NYAP2: variants seen among roughly 807,000 people sequenced by gnomAD.
NYAP2 encodes the protein neuronal tyrosine-phosphorylated phosphoinositide-3-kinase adaptor 2, also known as neuronal tyrosine-phosphorylated phosphoinositide-3-kinase adapter 2.
NYAP2 carries 23 observed loss-of-function variants against 50.4 expected under a neutral mutation model. The observed-to-expected ratio is 0.46, with a 90% confidence interval of 0.33 to 0.65. The LOEUF (loss-of-function observed/expected upper bound fraction) is 0.65, where lower values mean the gene tolerates loss of function less well. Ranked by LOEUF, NYAP2 falls within the 30% of genes least tolerant of loss-of-function variation. The probability of loss-of-function intolerance (pLI) is 0.02; values close to 1 mark genes in which losing one functional copy is unlikely to be tolerated. For missense variants in NYAP2, 885 were observed against 861.0 expected (o/e 1.03, Z -0.35); for synonymous variants, 394 against 365.2 (o/e 1.08, Z -0.90).
chr2:225,605,130 T>C (rs1470283218), intron 5 of NYAP2, among the ~76,000 whole-genome samples: 1 of 152,144 alleles, frequency 6.6e-6, no homozygotes, highest in Non-Finnish European at 1.5e-5. Flanking sequence ...ATGGAAACGA[T>C]ATTTTTCTCC....
chr2:225,638,040 A>G (rs1415089488), intron 6 of NYAP2, among the ~76,000 whole-genome samples: 1 of 152,176 alleles, frequency 6.6e-6, no homozygotes, highest in Non-Finnish European at 1.5e-5. Flanking sequence ...AAGTGGTTAG[A>G]GGCTGAGAGA....
At chr2:225,531,384 T>C (rs145794567) in intron 4 of NYAP2, among the ~76,000 whole-genome samples, 2 of 152,234 alleles carry the variant, frequency 1.3e-5, no homozygotes, top group Non-Finnish European at 2.9e-5. Flanking sequence ...ATAACTTATG[T>C]AGGCATTTTT....
intron 6 of NYAP2, among the ~76,000 whole-genome samples, chr2:225,639,663 A>G (rs1213858261): frequency 1.3e-5 from 2 of 152,168 alleles, no homozygotes; most frequent in Non-Finnish European, 2.9e-5. Flanking sequence ...TTATTCATTT[A>G]TTCACATTCG....
At chr2:225,606,055 A>G (rs984644543) in intron 5 of NYAP2, among the ~76,000 whole-genome samples, 3 of 152,198 alleles carry the variant, frequency 2.0e-5, no homozygotes, top group Non-Finnish European at 2.9e-5. Flanking sequence ...AGGAACATCT[A>G]ATATAGAATT....
chr2:225,563,716 C>T lies in NYAP2; in HGVS notation c.524-18225C>T, dbSNP rs546760010. Among the ~76,000 whole-genome samples the T allele has an allele frequency of 2.6e-5, 4 of 152,178 alleles. No individual in the cohort carries two copies. In the South Asian group the frequency reaches 8.3e-4, roughly 32 times the overall value. ...ATACATGCATATATGCATGCATACACATGTGTTTGTGTATCCATATTCAAA... is the reference window on the plus strand; with the variant it reads ...ATACATGCATATATGCATGCATACATATGTGTTTGTGTATCCATATTCAAA... On this transcript the variant is annotated intron_variant, in intron 4 of 6. Coordinates refer to ENST00000636099, the Ensembl canonical transcript of NYAP2.
intron 3 of NYAP2, among the ~76,000 whole-genome samples, chr2:225,491,299 T>C (rs1690398749): frequency 6.6e-6 from 1 of 152,244 alleles, no homozygotes. Context: ...AGTGAATTCC[T>C]TAGCCTGGTT....
At chr2:225,656,847 C>T (rs2106275674), downstream of NYAP2, among the ~76,000 whole-genome samples, 1 of 152,290 alleles carries the variant, frequency 6.6e-6, no homozygotes, top group Admixed American at 6.5e-5. Flanking sequence ...TTGACTTACT[C>T]AACACCTCTC....
At chr2:225,517,007 A>C (rs781234767) in intron 4 of NYAP2, among the ~76,000 whole-genome samples, 1 of 152,180 alleles carries the variant, frequency 6.6e-6, no homozygotes, top group Non-Finnish European at 1.5e-5. Flanking sequence ...TAAAAGTAAA[A>C]AGAACTGGAC....
At chr2:225,607,831 T>C (rs530279138) in intron 5 of NYAP2, among the ~76,000 whole-genome samples, 2 of 152,260 alleles carry the variant, frequency 1.3e-5, no homozygotes, top group Admixed American at 1.3e-4. Flanking sequence ...TGGGCATACA[T>C]ATTTAATGCG....
At chr2:225,549,598 A>C (rs7590012) in intron 4 of NYAP2, among the ~76,000 whole-genome samples, 140,777 of 152,180 alleles carry the variant, frequency 0.93, 65,198 homozygotes, top group Middle Eastern at 0.99. Flanking sequence ...AGCCTAGAGA[A>C]AAAAATTTGA....
At chr2:225,456,476 C>T (rs1280396226) in intron 3 of NYAP2, among the ~76,000 whole-genome samples, 1 of 152,176 alleles carries the variant, frequency 6.6e-6, no homozygotes, top group Admixed American at 6.5e-5. Context: ...AAAAGCAACT[C>T]AACAGTCAAA....
intron 6 of NYAP2, among the ~76,000 whole-genome samples, chr2:225,630,641 G>T (rs1287924324): frequency 6.6e-6 from 1 of 152,208 alleles, no homozygotes; most frequent in Non-Finnish European, 1.5e-5. Flanking sequence ...AAAGGGGAAT[G>T]ATGTTGCATA....
chr2:225,461,302 G>A (rs1387474266), intron 3 of NYAP2, among the ~76,000 whole-genome samples: 1 of 152,220 alleles, frequency 6.6e-6, no homozygotes, highest in Non-Finnish European at 1.5e-5. Context: ...CACTGAAATT[G>A]TCACCCAGCC....
At position 225,608,958 on chromosome 2, in the gene NYAP2, C is replaced by T. The variant is rs1164581813; in HGVS notation, c.1619-17959C>T. Among the ~76,000 whole-genome samples the T allele has an allele frequency of 2.0e-5, 3 of 152,028 alleles. 1 individual carries two copies. The highest frequency in any genetic ancestry group is 1.3e-4 in the Admixed American group (2 of 15,252). ...CTCTTTGTGTCTTCTCTTTTCATTC[C>T]TTCTGTCAGTGGGCCATTGTAATCA... is the stretch of plus-strand genomic sequence containing the variant. On this transcript the variant is annotated intron_variant, in intron 5 of 6. Transcript: ENST00000636099.
chr2:225,699,537 C>G, the NYAP2 span: 7 of 151,844 alleles, frequency 4.6e-5, no homozygotes, highest in Non-Finnish European at 1.0e-4. Flanking sequence ...TTCAACTAGA[C>G]CAGTTTACAT....
intron 3 of NYAP2, among the ~76,000 whole-genome samples, chr2:225,428,136 T>C (rs1417473497): frequency 1.3e-5 from 2 of 152,210 alleles, no homozygotes; most frequent in African/African-American, 4.8e-5. Context: ...AGTAGGTCCC[T>C]GGGCTGACCT....
chr2:225,475,335 A>G (rs1690085011), intron 3 of NYAP2, among the ~76,000 whole-genome samples: 1 of 152,186 alleles, frequency 6.6e-6, no homozygotes, highest in Admixed American at 6.5e-5. Context: ...CTCCTTCTTC[A>G]AAGACATAAT....
intron 3 of NYAP2, among the ~76,000 whole-genome samples, chr2:225,487,649 C>G (rs1690326699): frequency 6.6e-6 from 1 of 152,150 alleles, no homozygotes; most frequent in South Asian, 2.1e-4. Context: ...CATGAGCCAC[C>G]ACGCCTGGCA....
chr2:225,429,267 C>T (rs913396415), intron 3 of NYAP2, among the ~76,000 whole-genome samples: 1 of 152,140 alleles, frequency 6.6e-6, no homozygotes, highest in East Asian at 1.9e-4. Flanking sequence ...CAAAAGAAAC[C>T]ACAGCAGGAT....
Sources: allele counts gnomAD v4.1 joint callset (sites outside exome capture counted in the v4.1 genomes callset), GRCh38; gene constraint gnomAD v4.1.1; transcripts MANE v1.5; gene names NCBI Gene and HGNC (gene_info 2026-07-23, HGNC 2026-07-21).